Variants in SPATS2L observed in about 807,000 individuals in gnomAD.
SPATS2L encodes SPATS2-like protein.
Under a neutral mutation model 59.6 loss-of-function variants are expected in SPATS2L, and 30 were observed. The ratio of observed to expected loss-of-function variants is 0.50; its 90% CI spans 0.38 to 0.68. The LOEUF is 0.68. Among genes scored for constraint, SPATS2L ranks in the 30% least tolerant of loss-of-function variants. The pLI, the probability that SPATS2L is intolerant of heterozygous loss-of-function variation, is 0.00. For missense variants in SPATS2L, 615 were observed against 700.0 expected (o/e 0.88, Z 1.37); for synonymous variants, 252 against 263.5 (o/e 0.96, Z 0.42).
In SPATS2L at chr2:200,440,764, C is replaced by T; in HGVS notation, c.768C>T (p.Ala256=). ...VDSSVKKIKA[A]FAELHNCIID... ...GTTCCGTGAAGAAGATCAAAGCTGC[C>T]TTTGCTGAATTACACAACTGGTGAG... Residue 256 remains alanine, a synonymous_variant, in exon 8 of 13, where the codon GCC becomes GCT. Transcript: ENST00000409140. 1.2e-6 allele frequency: 2 copies of T among 1,613,490 alleles called. No homozygotes were observed. Among genetic ancestry groups the T allele is most frequent in the East Asian group, 2.2e-5 (1 of 44,860 alleles).
At chr2:200,473,328 C>T (rs1407486098) in intron 12 of SPATS2L, among the ~76,000 whole-genome samples, 1 of 152,136 alleles carries the variant, frequency 6.6e-6, no homozygotes, top group Non-Finnish European at 1.5e-5. Context: ...CCCAGTGACA[C>T]AGTTCTTCTC....
intron 3 of SPATS2L, among the ~76,000 whole-genome samples, chr2:200,405,311 T>C (rs926731226): frequency 2.6e-5 from 4 of 151,906 alleles, no homozygotes; most frequent in Non-Finnish European, 5.9e-5. Context: ...TTACTTCCCA[T>C]AATTCTATAA....
intron 2 of SPATS2L, 36 bp downstream of exon 2, chr2:200,329,516 C>T (rs1394369609): frequency 2.6e-6 from 4 of 1,530,338 alleles, no homozygotes; most frequent in Non-Finnish European, 3.5e-6. Context: ...CTGTGACCTC[C>T]TCCTGCTGCC....
At chr2:200,378,286 A>T (rs757999963) in intron 2 of SPATS2L, 39 of 1,002,364 alleles carry the variant, frequency 3.9e-5, no homozygotes, top group Admixed American at 6.2e-5. Flanking sequence ...CCAGTGGGGG[A>T]ACAGAGCTTA....
At chr2:200,324,782 C>G (rs1387241648) in intron 1 of SPATS2L, among the ~76,000 whole-genome samples, 2 of 152,070 alleles carry the variant, frequency 1.3e-5, no homozygotes, top group African/African-American at 4.8e-5. Flanking sequence ...CTCTGTTATC[C>G]AGCAACTTAG....
At chr2:200,366,353 A>G (rs937261887) in intron 2 of SPATS2L, among the ~76,000 whole-genome samples, 1 of 152,164 alleles carries the variant, frequency 6.6e-6, no homozygotes, top group Non-Finnish European at 1.5e-5. Context: ...CTTCATTTGG[A>G]CTGACTGGCA....
At chr2:200,312,520 GC>G (rs1420439221) in intron 1 of SPATS2L, among the ~76,000 whole-genome samples, 1 of 152,236 alleles carries the variant, frequency 6.6e-6, no homozygotes, top group East Asian at 1.9e-4. Context: ...GAGGTAATAG[GC>G]CCCCATCACT....
intron 12 of SPATS2L, among the ~76,000 whole-genome samples, chr2:200,475,801 A>G (rs547120631): frequency 3.9e-5 from 6 of 152,344 alleles, no homozygotes; most frequent in African/African-American, 1.4e-4. Context: ...AACCTTATAT[A>G]TTTGTAACTC....
At chr2:200,440,849 T>C in intron 8 of SPATS2L, 65 bp downstream of exon 8, 1 of 1,550,270 alleles carries the variant, frequency 6.5e-7, no homozygotes, top group South Asian at 1.2e-5. Flanking sequence ...GGTAAAAGTA[T>C]CAGATGGAAA....
intron 1 of SPATS2L, among the ~76,000 whole-genome samples, chr2:200,311,684 A>G (rs1034410031): frequency 1.3e-5 from 2 of 152,234 alleles, no homozygotes; most frequent in Non-Finnish European, 2.9e-5. Flanking sequence ...ATCCCATTGT[A>G]TTCAGGACCG....
chr2:200,414,624 C>T (rs553187642), intron 4 of SPATS2L, among the ~76,000 whole-genome samples: 10 of 151,506 alleles, frequency 6.6e-5, no homozygotes, highest in East Asian at 1.9e-4. Context: ...TGTGAGACCC[C>T]GTCTCCAAAA....
chr2:200,430,803 T>G (rs1424099354), intron 6 of SPATS2L, among the ~76,000 whole-genome samples: 1 of 150,018 alleles, frequency 6.7e-6, no homozygotes, highest in Non-Finnish European at 1.5e-5. Flanking sequence ...CCACAACCTC[T>G]GCCTCACAGG....
chr2:200,417,720 A>G (rs979234546), intron 5 of SPATS2L, among the ~76,000 whole-genome samples: 2 of 152,212 alleles, frequency 1.3e-5, no homozygotes, highest in Non-Finnish European at 2.9e-5. Flanking sequence ...CTAGGAAAGC[A>G]CTTACTGGGG....
intron 1 of SPATS2L, among the ~76,000 whole-genome samples, chr2:200,325,958 A>G (rs2079723910): frequency 6.6e-6 from 1 of 152,230 alleles, no homozygotes; most frequent in Non-Finnish European, 1.5e-5. Flanking sequence ...CTCTGTGCTA[A>G]GCACTTAAAA....
At chr2:200,368,725 A>G (rs2081335810) in intron 2 of SPATS2L, among the ~76,000 whole-genome samples, 1 of 152,192 alleles carries the variant, frequency 6.6e-6, no homozygotes, top group Admixed American at 6.5e-5. Flanking sequence ...CAAATATTTC[A>G]GAGAAGAAGA....
intron 12 of SPATS2L, among the ~76,000 whole-genome samples, chr2:200,474,160 G>A (rs2087311809): frequency 6.6e-6 from 1 of 151,216 alleles, no homozygotes; most frequent in Non-Finnish European, 1.5e-5. Context: ...GTCTTGTTGG[G>A]TTTTGCTGTC....
intron 3 of SPATS2L, among the ~76,000 whole-genome samples, chr2:200,407,545 G>C (rs916711434): frequency 2.0e-5 from 3 of 152,146 alleles, no homozygotes; most frequent in Non-Finnish European, 4.4e-5. Flanking sequence ...GTCATTTAAT[G>C]GGGGCTCAAC....
At chr2:200,312,281 T>C (rs2079216826) in intron 1 of SPATS2L, among the ~76,000 whole-genome samples, 1 of 152,070 alleles carries the variant, frequency 6.6e-6, no homozygotes, top group Non-Finnish European at 1.5e-5. Context: ...TAATGAGAGG[T>C]GCACCCCAGA....
At chr2:200,361,291 GA>G (rs2081099133) in intron 2 of SPATS2L, among the ~76,000 whole-genome samples, 1 of 152,024 alleles carries the variant, frequency 6.6e-6, no homozygotes, top group Non-Finnish European at 1.5e-5. Context: ...AGAGAGAGAA[GA>G]AAAAGGAGAA....
Sources: allele counts gnomAD v4.1 joint callset (sites outside exome capture counted in the v4.1 genomes callset), GRCh38; gene constraint gnomAD v4.1.1; transcripts MANE v1.5; gene names NCBI Gene and HGNC (gene_info 2026-07-23, HGNC 2026-07-21).